The following STK32C variants were observed in gnomAD, a reference collection of about 807,000 sequenced individuals.
STK32C encodes serine/threonine-protein kinase 32C.
A neutral mutation model predicts 56.5 loss-of-function variants in STK32C; 31 were observed. That is an observed-to-expected ratio of 0.55 (90% confidence interval 0.41 to 0.74). The LOEUF (loss-of-function observed/expected upper bound fraction) is 0.74. STK32C is among the 30% of genes least tolerant of loss of function. STK32C has a pLI of 0.00. For synonymous variants in STK32C, 309 were observed against 289.4 expected (o/e 1.07, Z -0.69); for missense variants, 544 against 676.9 (o/e 0.80, Z 2.18).
At chr10:132,236,860 G>A (rs1000249009) in intron 2 of STK32C, among the ~76,000 whole-genome samples, 10 of 152,160 alleles carry the variant, frequency 6.6e-5, no homozygotes, top group Admixed American at 2.6e-4. Flanking sequence ...CCCGACAAAC[G>A]TGTTGGCCCC....
chr10:132,297,858 G>A (rs2065801983), intron 1 of STK32C, among the ~76,000 whole-genome samples: 1 of 152,236 alleles, frequency 6.6e-6, no homozygotes, highest in African/African-American at 2.4e-5. Flanking sequence ...TCAGGAAGAT[G>A]TTGACTCCAC....
At chr10:132,237,753 C>T (rs548380870) in intron 2 of STK32C, among the ~76,000 whole-genome samples, 4 of 152,360 alleles carry the variant, frequency 2.6e-5, no homozygotes, top group African/African-American at 9.6e-5. Context: ...TGGCTTCACC[C>T]CTCTGCCCCT....
intron 2 of STK32C, among the ~76,000 whole-genome samples, chr10:132,241,664 C>A (rs118136689): frequency 1.8e-3 from 274 of 152,286 alleles, no homozygotes; most frequent in Admixed American, 3.1e-3. Flanking sequence ...GCATTTTTGG[C>A]AGAGTGTAGA....
intron 1 of STK32C, among the ~76,000 whole-genome samples, chr10:132,269,345 G>A (rs2064738894): frequency 6.6e-6 from 1 of 152,218 alleles, no homozygotes; most frequent in East Asian, 1.9e-4. Context: ...GACACATGGT[G>A]CCTGGAGCCT....
intron 2 of STK32C, among the ~76,000 whole-genome samples, chr10:132,241,641 G>A (rs536500651): frequency 1.3e-5 from 2 of 152,184 alleles, no homozygotes; most frequent in Non-Finnish European, 2.9e-5. Context: ...AAATAAACAC[G>A]AAGGAAGAGC....
chr10:132,232,321 C>T (rs1445620112), intron 2 of STK32C, among the ~76,000 whole-genome samples: 1 of 152,182 alleles, frequency 6.6e-6, no homozygotes, highest in Non-Finnish European at 1.5e-5. Context: ...AAGTCAATCA[C>T]ATCAAAGTGC....
exon 1 of STK32C, chr10:132,331,778 T>C: frequency 6.2e-7 from 1 of 1,608,132 alleles, no homozygotes; most frequent in Non-Finnish European, 8.5e-7. Context: ...CGGTCGCCCC[T>C]CCAGACCCTC....
intron 1 of STK32C, among the ~76,000 whole-genome samples, chr10:132,325,279 G>T (rs930311639): frequency 2.6e-5 from 4 of 152,072 alleles, no homozygotes; most frequent in African/African-American, 7.2e-5. Flanking sequence ...CCGGCCGGGC[G>T]CGGTGGCTCA....
chr10:132,263,758 C>T (rs1030182709), intron 1 of STK32C, among the ~76,000 whole-genome samples: 16 of 148,692 alleles, frequency 1.1e-4, no homozygotes, highest in Admixed American at 9.5e-4. Context: ...CCCAGCTACT[C>T]GGGAGGCTGA....
intron 1 of STK32C, among the ~76,000 whole-genome samples, chr10:132,281,235 T>C (rs1189390776): frequency 6.6e-6 from 1 of 151,576 alleles, no homozygotes; most frequent in East Asian, 1.9e-4. Flanking sequence ...AGAGTGACCT[T>C]CAGGCCCCAT....
chr10:132,265,495 G>A (rs532947389), intron 1 of STK32C, among the ~76,000 whole-genome samples: 38 of 152,284 alleles, frequency 2.5e-4, no homozygotes, highest in Admixed American at 5.9e-4. Context: ...TGCACTCTGG[G>A]GCCCTGCCTG....
At chr10:132,215,902 C>G (rs2814201) in intron 10 of STK32C, among the ~76,000 whole-genome samples, 2 of 152,066 alleles carry the variant, frequency 1.3e-5, no homozygotes, top group Non-Finnish European at 2.9e-5. Context: ...CCAGGCTGAG[C>G]TGGTCTCAGA....
At chr10:132,238,918 A>G (rs1028198239) in intron 2 of STK32C, among the ~76,000 whole-genome samples, 1 of 152,226 alleles carries the variant, frequency 6.6e-6, no homozygotes, top group African/African-American at 2.4e-5. Context: ...CTGGGTGGAC[A>G]CTTGGGCGGA....
At chr10:132,300,374 G>A (rs2065876991) in intron 1 of STK32C, among the ~76,000 whole-genome samples, 1 of 152,174 alleles carries the variant, frequency 6.6e-6, no homozygotes, top group African/African-American at 2.4e-5. Flanking sequence ...CAGAGACCAT[G>A]GGGGCTCCCT....
chr10:132,310,790 G>A (rs1209698085), upstream of STK32C, among the ~76,000 whole-genome samples: 5 of 152,268 alleles, frequency 3.3e-5, no homozygotes, highest in Admixed American at 1.3e-4. This position sits in a 1 kb window ranked among gnomAD's most constrained non-coding sequence, Gnocchi z 4.6. Context: ...TGGGCAGCAC[G>A]TGCATGATCG....
At chr10:132,253,866 T>C (rs1169708593) in intron 1 of STK32C, among the ~76,000 whole-genome samples, 1 of 152,238 alleles carries the variant, frequency 6.6e-6, no homozygotes, top group African/African-American at 2.4e-5. Context: ...CCCGTGTGCC[T>C]GGCTAGAACC....
At chr10:132,225,894 G>A in intron 4 of STK32C, 110 bp from the exon 5 acceptor site, 2 of 1,410,312 alleles carry the variant, frequency 1.4e-6, no homozygotes, top group Admixed American at 1.7e-5. Context: ...ACCCACTCGA[G>A]GCAGAGGCCT....
chr10:132,243,688 C>T (rs536533208), intron 2 of STK32C, among the ~76,000 whole-genome samples: 6 of 152,230 alleles, frequency 3.9e-5, no homozygotes, highest in Non-Finnish European at 8.8e-5. Context: ...AAGCCAAGGG[C>T]CAGGTCTAGA....
intron 1 of STK32C, among the ~76,000 whole-genome samples, chr10:132,263,678 T>G (rs2138084340): frequency 6.7e-6 from 1 of 149,554 alleles, no homozygotes. Flanking sequence ...GCCAACATGG[T>G]GAAACCCCAT....
Sources: gnomAD v4.1 joint callset for allele counts (sites outside exome capture counted in the v4.1 genomes callset) on GRCh38, gnomAD v4.1.1 for gene constraint, Gnocchi (gnomAD v3.1) non-coding constraint, MANE v1.5 for transcripts, NCBI Gene and HGNC (gene_info 2026-07-23, HGNC 2026-07-21) for gene names.